The following ARHGEF3 variants were observed in gnomAD, a reference collection of about 807,000 sequenced individuals.
The protein encoded by ARHGEF3 is Rho guanine nucleotide exchange factor 3.
ARHGEF3 carries 28 observed loss-of-function variants against 63.2 expected under a neutral mutation model. That is an observed-to-expected ratio of 0.44 (90% CI 0.33 to 0.61). ARHGEF3 has a LOEUF of 0.61. Among genes scored for constraint, ARHGEF3 ranks in the 20% least tolerant of loss-of-function variants. ARHGEF3 has a pLI of 0.03. For synonymous variants in ARHGEF3, 266 were observed against 254.2 expected, an observed-to-expected ratio of 1.05 and a Z score of -0.44; for missense variants, 533 against 659.3, an observed-to-expected ratio of 0.81 and a Z score of 2.10.
intron 4 of ARHGEF3, among the ~76,000 whole-genome samples, chr3:56,863,193 A>G (rs1049780312): frequency 1.3e-5 from 2 of 151,564 alleles, no homozygotes; most frequent in African/African-American, 4.9e-5. Flanking sequence ...GCTGGAGTGC[A>G]GTGGCGCGAT....
chr3:57,002,962 C>T lies in ARHGEF3; in HGVS notation c.62+32126G>A, dbSNP rs1367402686. ...CTAATTTTTTGTATTTTAGTAGAGA[C>T]GGGGTTTCATCATGTTGGCCAGGCT... On this transcript the variant is annotated intron_variant, in intron 2 of 12. Coordinates refer to the ARHGEF3 transcript ENST00000338458. Among the ~76,000 whole-genome samples the T allele has an allele frequency of 2.6e-5, 4 of 151,154 alleles. No homozygotes were observed. The East Asian group carries it at 8.0e-4, about 30-fold the overall frequency.
chr3:56,875,404 C>CTCAT (rs1258199244), intron 4 of ARHGEF3, among the ~76,000 whole-genome samples: 7 of 152,124 alleles, frequency 4.6e-5, no homozygotes, highest in African/African-American at 7.2e-5. Flanking sequence ...CAATCTGAGA[C>CTCAT]TCATTCATTC....
chr3:57,010,184 G>A (rs1448060878), intron 2 of ARHGEF3, among the ~76,000 whole-genome samples: 1 of 152,168 alleles, frequency 6.6e-6, no homozygotes, highest in Non-Finnish European at 1.5e-5. Flanking sequence ...GCCGGGCGTG[G>A]TGGCTCACGC....
At chr3:57,045,646 G>A (rs529989713) in intron 1 of ARHGEF3, among the ~76,000 whole-genome samples, 3 of 152,330 alleles carry the variant, frequency 2.0e-5, no homozygotes, top group South Asian at 2.1e-4. Flanking sequence ...CCTCACAGAA[G>A]AGGAAACCTA....
At chr3:56,792,272 T>C (rs936208682) in intron 1 of ARHGEF3, among the ~76,000 whole-genome samples, 10 of 152,178 alleles carry the variant, frequency 6.6e-5, no homozygotes, top group Admixed American at 3.3e-4. Flanking sequence ...TATGCACACA[T>C]ATAGGTTTAA....
At chr3:57,008,138 A>T (rs146520186) in intron 2 of ARHGEF3, among the ~76,000 whole-genome samples, 5 of 143,578 alleles carry the variant, frequency 3.5e-5, no homozygotes, top group African/African-American at 1.3e-4. Context: ...TTCTCTGTTG[A>T]GCCACGCTAC....
chr3:56,778,154 ATGAGCTAATAC>A (rs1363382740), intron 1 of ARHGEF3, among the ~76,000 whole-genome samples: 1 of 152,184 alleles, frequency 6.6e-6, no homozygotes, highest in Non-Finnish European at 1.5e-5. Flanking sequence ...AATAATAATA[ATGAGCTAATAC>A]TGGTAGCAGG....
intron 2 of ARHGEF3, among the ~76,000 whole-genome samples, chr3:56,758,004 G>A (rs560223217): frequency 2.6e-5 from 4 of 151,618 alleles, no homozygotes; most frequent in Non-Finnish European, 4.4e-5. Context: ...ATGGCCGGGC[G>A]TGGTGGCTCA....
intron 2 of ARHGEF3, among the ~76,000 whole-genome samples, chr3:56,970,575 T>A (rs1409199797): frequency 6.6e-6 from 1 of 152,162 alleles, no homozygotes; most frequent in South Asian, 2.1e-4. Flanking sequence ...CCACTCCCAC[T>A]TCCCCCTCCA....
intron 1 of ARHGEF3, among the ~76,000 whole-genome samples, chr3:57,068,531 C>G (rs1034440765): frequency 1.5e-4 from 23 of 152,146 alleles, no homozygotes; most frequent in Non-Finnish European, 2.9e-4. Flanking sequence ...TTAGCGAGGC[C>G]CTGCCCAGCC....
At chr3:56,944,753 AT>A (rs1699390594) in intron 3 of ARHGEF3, among the ~76,000 whole-genome samples, 1 of 151,724 alleles carries the variant, frequency 6.6e-6, no homozygotes, top group African/African-American at 2.4e-5. Flanking sequence ...TAATTTTTGT[AT>A]TTTTAATAGA....
chr3:56,899,538 T>C (rs1008214206), intron 3 of ARHGEF3, among the ~76,000 whole-genome samples: 2 of 152,238 alleles, frequency 1.3e-5, no homozygotes, highest in African/African-American at 4.8e-5. Flanking sequence ...TACTTATCTA[T>C]TTATGGCAAG....
rs370694184 is a variant in ARHGEF3 at position 56,893,743 on chromosome 3, T to C, written c.130-11389A>G. On this transcript the variant is annotated intron_variant, in intron 3 of 12. Coordinates refer to the ARHGEF3 transcript ENST00000338458. ...ATCACTTGAGCCTGGGAAGCAGGGG[T>C]TGCAGTGAGCCGAGATCGCACCACT... 3.6e-5 allele frequency among the ~76,000 whole-genome samples: 5 copies of C among 139,334 alleles called. 1 individual carries two copies. Among genetic ancestry groups the C allele is most frequent in the East Asian group, 4.2e-4 (2 of 4,712 alleles). 91.4% of individuals were successfully genotyped at this position (139,334 alleles called of 152,430 possible).
rs542877646 is a variant in ARHGEF3 at position 57,037,807 on chromosome 3, G to A, written c.-27-2631C>T. On this transcript the variant is annotated intron_variant, in intron 1 of 12. Transcript: ENST00000338458. ...GGAGAATGGTGTGAACCCGGGAGGCGGAGCTTGCAGTGAGCCAAGATTGTG... is the reference window on the plus strand; with the variant it reads ...GGAGAATGGTGTGAACCCGGGAGGCAGAGCTTGCAGTGAGCCAAGATTGTG... Among the ~76,000 whole-genome samples the A allele has an allele frequency of 2.2e-4, 33 of 152,292 alleles. 1 individual carries two copies. The highest frequency in any genetic ancestry group is 6.3e-4 in the African/African-American group (26 of 41,570).
At chr3:56,898,070 G>A (rs929962866) in intron 3 of ARHGEF3, among the ~76,000 whole-genome samples, 3 of 151,678 alleles carry the variant, frequency 2.0e-5, no homozygotes, top group Non-Finnish European at 4.4e-5. Flanking sequence ...TGTAGAGACG[G>A]GGTCTCATTT....
upstream of ARHGEF3, chr3:56,802,034 C>A (rs1354641102): frequency 1.4e-6 from 2 of 1,391,736 alleles, no homozygotes; most frequent in Non-Finnish European, 1.9e-6. Flanking sequence ...GGCACCGCCC[C>A]ACGCTGCCGG....
rs144176314 is a variant in ARHGEF3 at position 56,801,675 on chromosome 3, G to A, written c.96+28C>T. 13,020 of 1,551,486 alleles carry A rather than the reference G, an allele frequency of 8.4e-3. 72 individuals are homozygous for A. The highest frequency in any genetic ancestry group is 0.013 in the Middle Eastern group (78 of 5,930). On this transcript the variant is annotated intron_variant, in intron 1 of 9. Transcript: ENST00000296315. ...AGACGAGACAGGCAGATGACCCATA[G>A]AGGTCCAGGTGCAGGGCGCGGCCCT...
At chr3:57,027,935 C>T (rs557302832) in intron 2 of ARHGEF3, among the ~76,000 whole-genome samples, 5 of 152,292 alleles carry the variant, frequency 3.3e-5, no homozygotes, top group South Asian at 4.2e-4. Flanking sequence ...ACTTTAGAAC[C>T]CTTTTTCCCT....
intron 4 of ARHGEF3, among the ~76,000 whole-genome samples, chr3:56,825,819 A>T (rs918371669): frequency 6.6e-6 from 1 of 152,042 alleles, no homozygotes; most frequent in African/African-American, 2.4e-5. Context: ...CCCTTTTCTG[A>T]TCATGGCTCT....
Sources: allele counts gnomAD v4.1 joint callset (sites outside exome capture counted in the v4.1 genomes callset), GRCh38; gene constraint gnomAD v4.1.1; transcripts MANE v1.5; gene names NCBI Gene and HGNC (gene_info 2026-07-23, HGNC 2026-07-21).